Variants in LRRC3B observed in about 807,000 individuals in gnomAD.
LRRC3B encodes leucine rich repeat containing 3B.
LRRC3B carries 2 observed loss-of-function variants against 12.8 expected under a neutral mutation model. The ratio of observed to expected loss-of-function variants is 0.16; its 90% CI spans 0.06 to 0.49. LRRC3B has a LOEUF of 0.49. Among genes scored for constraint, LRRC3B ranks in the 20% least tolerant of loss-of-function variants. LRRC3B has a pLI of 0.96. For synonymous variants in LRRC3B, 132 were observed against 122.0 expected, an observed-to-expected ratio of 1.08 and a Z score of -0.54; for missense variants, 189 against 319.4, an observed-to-expected ratio of 0.59 and a Z score of 3.11.
intron 1 of LRRC3B, among the ~76,000 whole-genome samples, chr3:26,644,932 A>T (rs1053016830): frequency 2.6e-5 from 4 of 152,314 alleles, no homozygotes; most frequent in African/African-American, 9.6e-5. Context: ...TAATATACAA[A>T]TATACACATA....
At chr3:26,624,823 C>T (rs576369415) in intron 1 of LRRC3B, 1 of 152,392 alleles carries the variant, frequency 6.6e-6, no homozygotes, top group Non-Finnish European at 1.5e-5. Flanking sequence ...GGGGGAGGCT[C>T]TTTTCTCCTT....
At chr3:26,683,131 A>T (rs1352595554) in intron 1 of LRRC3B, among the ~76,000 whole-genome samples, 1 of 152,198 alleles carries the variant, frequency 6.6e-6, no homozygotes, top group African/African-American at 2.4e-5. Context: ...GGAAAGGCCA[A>T]GACCAAGGAA....
At chr3:26,706,068 G>A (rs142215645) in intron 1 of LRRC3B, among the ~76,000 whole-genome samples, 1 of 152,266 alleles carries the variant, frequency 6.6e-6, no homozygotes, top group East Asian at 1.9e-4. Flanking sequence ...GGTGCCAGAA[G>A]ATTTGGTTTC....
chr3:26,709,417 T>C (rs1024005839), intron 1 of LRRC3B, 96 bp from the exon 2 acceptor site: 1 of 500,554 alleles, frequency 2.0e-6, no homozygotes, highest in African/African-American at 1.9e-5. Flanking sequence ...CTAACCCCCC[T>C]GCTCAAGCAG....
intron 1 of LRRC3B, among the ~76,000 whole-genome samples, chr3:26,629,959 A>G (rs1698718787): frequency 7.3e-6 from 1 of 137,848 alleles, no homozygotes. Flanking sequence ...AAGAGGTGTA[A>G]GAGAAGCATG....
intron 1 of LRRC3B, among the ~76,000 whole-genome samples, chr3:26,706,787 A>G (rs1250457596): frequency 2.0e-5 from 3 of 152,198 alleles, no homozygotes; most frequent in Admixed American, 6.5e-5. Flanking sequence ...AGGAGCCTGA[A>G]CATATATGAC....
exon 2 of LRRC3B, chr3:26,709,800 C>G (rs1308282665): frequency 6.2e-7 from 1 of 1,614,090 alleles, no homozygotes; most frequent in Admixed American, 1.7e-5. Flanking sequence ...TGTTCTTCCT[C>G]TGGGGGTTTA....
chr3:26,686,725 G>T (rs1260742617), intron 1 of LRRC3B, among the ~76,000 whole-genome samples: 2 of 152,190 alleles, frequency 1.3e-5, no homozygotes, highest in Non-Finnish European at 2.9e-5. Flanking sequence ...GCATGCAAGA[G>T]GTTTATTAAG....
chr3:26,628,331 A>G (rs1349032738), intron 1 of LRRC3B, among the ~76,000 whole-genome samples: 5 of 151,862 alleles, frequency 3.3e-5, no homozygotes, highest in Non-Finnish European at 7.4e-5. Context: ...AAAAAAAATA[A>G]TCAAGATTCG....
intron 1 of LRRC3B, among the ~76,000 whole-genome samples, chr3:26,648,668 T>A (rs1411370649): frequency 6.6e-6 from 1 of 152,198 alleles, no homozygotes; most frequent in Admixed American, 6.5e-5. Flanking sequence ...GTTTGACTCC[T>A]AAGAGGACCC....
chr3:26,632,309 C>T (rs187786690), intron 1 of LRRC3B, among the ~76,000 whole-genome samples: 1 of 152,286 alleles, frequency 6.6e-6, no homozygotes, highest in Non-Finnish European at 1.5e-5. Flanking sequence ...TGCTAAAAAC[C>T]TTTAAATCAC....
chr3:26,690,212 G>T (rs565081268), intron 1 of LRRC3B, among the ~76,000 whole-genome samples: 1 of 152,188 alleles, frequency 6.6e-6, no homozygotes, highest in Non-Finnish European at 1.5e-5. Flanking sequence ...GTGACTTCAT[G>T]TTAATATGAT....
At chr3:26,697,354 A>C (rs1167354805) in intron 1 of LRRC3B, among the ~76,000 whole-genome samples, 2 of 152,268 alleles carry the variant, frequency 1.3e-5, no homozygotes, top group East Asian at 3.9e-4. Context: ...TTGTGGCTAT[A>C]TCACTTCAAT....
At chr3:26,643,794 A>G (rs1035452428) in intron 1 of LRRC3B, among the ~76,000 whole-genome samples, 1 of 152,186 alleles carries the variant, frequency 6.6e-6, no homozygotes, top group African/African-American at 2.4e-5. Context: ...AGCAGCTGCA[A>G]GTCTCAGGAG....
At chr3:26,709,708 C>T in exon 2 of LRRC3B, 1 of 1,614,106 alleles carries the variant, frequency 6.2e-7, no homozygotes, top group Non-Finnish European at 8.5e-7. Context: ...CCCGTTCCCT[C>T]TCCATGTGTC....
chr3:26,685,517 CTCTCTCTATA>C (rs1291234677), intron 1 of LRRC3B, among the ~76,000 whole-genome samples: 139 of 53,468 alleles, frequency 2.6e-3, no homozygotes, highest in African/African-American at 4.3e-3. Context: ...CTCTCTCTCT[CTCTCTCTATA>C]TATATATATA....
chr3:26,695,298 C>T (rs935797777), intron 1 of LRRC3B, among the ~76,000 whole-genome samples: 4 of 152,012 alleles, frequency 2.6e-5, no homozygotes, highest in Non-Finnish European at 5.9e-5. Context: ...GGGGCCGAGG[C>T]GGGGGGACCA....
intron 1 of LRRC3B, among the ~76,000 whole-genome samples, chr3:26,644,510 A>G (rs1194845339): frequency 6.6e-6 from 1 of 152,188 alleles, no homozygotes; most frequent in African/African-American, 2.4e-5. Context: ...AAATTATGCA[A>G]AGCAACTGAC....
At chr3:26,662,965 G>A (rs1699524092) in intron 1 of LRRC3B, among the ~76,000 whole-genome samples, 1 of 152,256 alleles carries the variant, frequency 6.6e-6, no homozygotes, top group African/African-American at 2.4e-5. Flanking sequence ...TACTCAGGAG[G>A]TGCCTTCTGG....
Sources: gnomAD v4.1 joint callset for allele counts (sites outside exome capture counted in the v4.1 genomes callset) on GRCh38, gnomAD v4.1.1 for gene constraint, MANE v1.5 for transcripts, NCBI Gene and HGNC (gene_info 2026-07-23, HGNC 2026-07-21) for gene names.